The following PIM1 variants were observed in gnomAD, a reference collection of about 807,000 sequenced individuals.
PIM1 encodes the protein Pim-1 proto-oncogene, serine/threonine kinase, also known as serine/threonine-protein kinase pim-1.
PIM1 carries 9 observed loss-of-function variants against 34.5 expected under a neutral mutation model. The observed-to-expected ratio is 0.26, with a 90% CI of 0.16 to 0.46. The LOEUF is 0.46. Among genes scored for constraint, PIM1 ranks in the 20% least tolerant of loss-of-function variants. The probability of loss-of-function intolerance (pLI) is 1.00; values close to 1 mark genes in which losing one functional copy is unlikely to be tolerated. For synonymous variants in PIM1, 199 were observed against 175.2 expected (o/e 1.14, Z -1.07); for missense variants, 274 against 410.9 (o/e 0.67, Z 2.88).
At chr6:37,172,967 GT>G (rs1461062485) in intron 4 of PIM1, 28 bp from the exon 5 acceptor site, 1 of 1,605,688 alleles carries the variant, frequency 6.2e-7, no homozygotes. Context: ...CTAAAAGTGT[GT>G]TTTCTCTTCT....
At chr6:37,171,592 A>T (rs1329447505) in intron 4 of PIM1, 101 bp downstream of exon 4, 1 of 1,414,324 alleles carries the variant, frequency 7.1e-7, no homozygotes, top group African/African-American at 1.4e-5. Flanking sequence ...TGTAAAGGTC[A>T]TTGGGCCGCC....
rs776867207 is a variant in PIM1 at position 37,170,917 on chromosome 6, C to CG, written c.189+44dup. 3.1e-6 allele frequency: 5 copies of CG among 1,611,944 alleles called. No homozygotes were observed. In the African/African-American group the frequency reaches 4.0e-5, roughly 13 times the overall value. On this transcript the variant is annotated intron_variant, in intron 2 of 5. Coordinates refer to ENST00000373509, the MANE Select transcript of PIM1 (RefSeq NM_002648.4). The stretch of plus-strand genomic sequence containing the variant: ...CCCGCGGTGGGGAGGGCGCGCCGGG[C>CG]GGGGGGCGCACGGGCGTGCTTTAGC...
At position 37,171,151 on chromosome 6, in the gene PIM1, A is replaced by G; in HGVS notation, c.267A>G (p.Glu89=). 2 of 1,613,902 alleles carry G rather than the reference A, an allele frequency of 1.2e-6. No individual in the cohort carries two copies. Among genetic ancestry groups the G allele is most frequent in the Non-Finnish European group, 1.7e-6 (2 of 1,179,908 alleles). Residue 89 remains glutamate (E), a synonymous_variant, in exon 4 of 6, where the codon GAA becomes GAG. Coordinates refer to ENST00000373509, the MANE Select transcript of PIM1 (RefSeq NM_002648.4). ...CTAATGGCACTCGAGTGCCCATGGA[A>G]GTGGTCCTGCTGAAGAAGGTGAGCT... ...ELPNGTRVPM[E]VVLLKKVSSG...
chr6:37,173,925 T>A lies in PIM1; in HGVS notation c.785-9T>A, dbSNP rs771718564. On this transcript the variant is annotated splice_polypyrimidine_tract_variant and intron_variant, in intron 5 of 5. Transcript: ENST00000373509. ...TCATTCATAACCTCGTCTATCCTCC[T>A]TTCTGCAGAATGTCAGCATCTCATT... 1.1e-5 allele frequency: 17 copies of A among 1,609,118 alleles called. No individual in the cohort carries two copies. Among genetic ancestry groups the A allele is most frequent in the Non-Finnish European group, 1.4e-5 (17 of 1,177,550 alleles).
At chr6:37,173,881 AGT>A in intron 5 of PIM1, 51 bp from the exon 6 acceptor site, 1 of 1,538,154 alleles carries the variant, frequency 6.5e-7, no homozygotes, top group South Asian at 1.2e-5. Context: ...AGACCTTTGC[AGT>A]GTAAAAACAA....
rs2113769079 is a variant in PIM1, at chr6:37,170,565, T to C, written c.-11T>C. ...GGGCACCGTCCCTGCGCCGACATCC[T>C]GGAGGTTGGGATGCTCTTGTCCAAA... On this transcript the variant is annotated 5_prime_UTR_variant, in exon 1 of 6. Transcript: ENST00000373509. The C allele has an allele frequency of 6.2e-7, 1 of 1,612,830 alleles. No individual in the cohort carries two copies. The highest frequency in any genetic ancestry group is 2.2e-5 in the East Asian group (1 of 44,808).
rs544434959 is a variant in PIM1 at position 37,175,021 on chromosome 6, T to G, written c.*930T>G. 4.3e-6 allele frequency: 1 copy of G among 233,582 alleles called. No homozygotes were observed. Among genetic ancestry groups the G allele is most frequent in the African/African-American group, 2.2e-5 (1 of 45,460 alleles). The allele number at this position is 233,582 out of a possible 1,614,324, so 14.5% of individuals were successfully genotyped here. ...TATTTATTTATTTATTTGGTTCCCTTCCTATTCCAAGCTTCCATAGCTGCT... is the reference window on the plus strand; with the variant it reads ...TATTTATTTATTTATTTGGTTCCCTGCCTATTCCAAGCTTCCATAGCTGCT... On this transcript the variant is annotated 3_prime_UTR_variant, in exon 6 of 6. Transcript: ENST00000373509.
Position 37,171,043 on chromosome 6 carries a change from G to T in PIM1, c.240+12G>T. On this transcript the variant is annotated intron_variant, in intron 3 of 5. Coordinates refer to ENST00000373509, the MANE Select transcript of PIM1 (RefSeq NM_002648.4). The stretch of plus-strand genomic sequence containing the variant: ...ACTGGGGAGAGCTGGTGAGTGCCCT[G>T]CAGGAGCGACCCCCAGGATGAGTGG... 1 of 1,614,050 alleles carries T rather than the reference G, an allele frequency of 6.2e-7. No homozygotes were observed. The highest frequency in any genetic ancestry group is 8.5e-7 in the Non-Finnish European group (1 of 1,180,000).
chr6:37,173,796 C>T (rs1330263306), intron 5 of PIM1, 138 bp from the exon 6 acceptor site: 6 of 670,484 alleles, frequency 8.9e-6, no homozygotes, highest in Non-Finnish European at 1.0e-5. Flanking sequence ...TGAAGGGTAC[C>T]CAGCACAGTG....
At position 37,170,325 on chromosome 6, in the gene PIM1, C is replaced by T; in HGVS notation, c.-251C>T. ...GCGCTGCCGCACGAGCCCCACGAGC[C>T]GCTCACCCCGCCGTTCTCAGCGCTG... On this transcript the variant is annotated 5_prime_UTR_variant, in exon 1 of 6. Transcript: ENST00000373509. The T allele has an allele frequency of 1.4e-6, 2 of 1,481,442 alleles. No individual in the cohort carries two copies. Among genetic ancestry groups the T allele is most frequent in the Non-Finnish European group, 1.8e-6 (2 of 1,120,520 alleles). 91.8% of individuals were successfully genotyped at this position (1,481,442 alleles called of 1,614,324 possible). A position where few individuals can be genotyped will look rare whatever the true frequency, so the allele number is the denominator to read the frequency against.
rs1448330731 is a variant in PIM1 at position 37,173,743 on chromosome 6, A to G, written c.785-191A>G. Among the ~76,000 whole-genome samples, 11 of 152,204 alleles carry G rather than the reference A, an allele frequency of 7.2e-5. 1 individual carries two copies. ...TAAGAGGGGAGTCAGTTTTTAGCTG[A>G]AAGCAGACTGGAGGACCCAGATATT... On this transcript the variant is annotated intron_variant, in intron 5 of 5. Coordinates refer to ENST00000373509, the MANE Select transcript of PIM1 (RefSeq NM_002648.4).
rs779716961 is a variant in PIM1, at chr6:37,170,436, GCCGCAGCCACAGCCGCAACGCCAC to G, written c.-125_-102del. 3.2e-5 allele frequency: 49 copies of G among 1,538,864 alleles called. No individual in the cohort carries two copies. The highest frequency in any genetic ancestry group is 1.7e-4 in the Middle Eastern group (1 of 5,854). On this transcript the variant is annotated 5_prime_UTR_variant, in exon 1 of 6. Coordinates refer to ENST00000373509, the MANE Select transcript of PIM1 (RefSeq NM_002648.4). ...GACTCGCCCTCGGCCTTCCGCGCCAGCCGCAGCCACAGCCGCAACGCCACCCGCAGCCACAGCCACAGCCACAGC... is the reference window on the plus strand; with the variant it reads ...GACTCGCCCTCGGCCTTCCGCGCCAGCCGCAGCCACAGCCACAGCCACAGC...
chr6:37,170,463 G>GCAGCCACAGCCA lies in PIM1; in HGVS notation c.-101_-90dup, dbSNP rs146002992. On this transcript the variant is annotated 5_prime_UTR_variant, in exon 1 of 6. Coordinates refer to ENST00000373509, the MANE Select transcript of PIM1 (RefSeq NM_002648.4). ...CGCAGCCACAGCCGCAACGCCACCC[G>GCAGCCACAGCCA]CAGCCACAGCCACAGCCACAGCCCC... 3 of 1,557,824 alleles carry GCAGCCACAGCCA rather than the reference G, an allele frequency of 1.9e-6. No individual in the cohort carries two copies. Among genetic ancestry groups the GCAGCCACAGCCA allele is most frequent in the African/African-American group, 1.4e-5 (1 of 73,160 alleles).
At chr6:37,173,316 A>G in intron 5 of PIM1, 144 bp downstream of exon 5, 1 of 722,618 alleles carries the variant, frequency 1.4e-6, no homozygotes, top group Non-Finnish European at 2.2e-6. Flanking sequence ...TGAGTGATTT[A>G]CACTTGAGCT....
chr6:37,172,798 G>T (rs779175784), intron 4 of PIM1, 198 bp from the exon 5 acceptor site: 2 of 688,848 alleles, frequency 2.9e-6, no homozygotes, highest in South Asian at 3.0e-5. Context: ...CAGAGAGGTG[G>T]GTAATGCTTT....
At chr6:37,172,348 GCC>G (rs1684386159) in intron 4 of PIM1, 1 of 315,914 alleles carries the variant, frequency 3.2e-6, no homozygotes, top group Non-Finnish European at 6.3e-6. Flanking sequence ...AGTCTTTGCT[GCC>G]CCCTGGTGAG....
Position 37,170,990 on chromosome 6 carries a change from A to G in PIM1, c.199A>G (p.Lys67Glu). ...GACCCTGGGCTTCCAGGTGGCCATC[A>G]AACACGTGGAGAAGGACCGGATTTC... ...RVSDNLPVAI[K>E]HVEKDRISDW... The change falls in exon 3 of 6, where the codon AAA (lysine) becomes GAA (glutamate). Residue 67 changes from lysine (K) to glutamate (E), a missense_variant. Transcript: ENST00000373509. 6.2e-7 allele frequency: 1 copy of G among 1,614,022 alleles called. No individual in the cohort carries two copies. The highest frequency in any genetic ancestry group is 8.5e-7 in the Non-Finnish European group (1 of 1,179,984).
At chr6:37,173,783 T>C in intron 5 of PIM1, 151 bp from the exon 6 acceptor site, 1 of 580,374 alleles carries the variant, frequency 1.7e-6, no homozygotes, top group Non-Finnish European at 3.0e-6. Context: ...AATACCTTCC[T>C]ATTGAAGGGT....
rs772864940 is a variant in PIM1 at position 37,170,666 on chromosome 6, AC to A, written c.82+15del. ...CACCAAGCTGGCGCCCGGTGAGAGC[AC>A]CCCCCGCCTCCGGCCCGGGGATGCG... On this transcript the variant is annotated intron_variant, in intron 1 of 5. Transcript: ENST00000373509. The A allele has an allele frequency of 6.8e-6, 11 of 1,608,182 alleles. No individual in the cohort carries two copies. The highest frequency in any genetic ancestry group is 4.5e-5 in the East Asian group (2 of 44,618).
Sources: gnomAD v4.1 joint callset for allele counts (sites outside exome capture counted in the v4.1 genomes callset) on GRCh38, gnomAD v4.1.1 for gene constraint, MANE v1.5 for transcripts, NCBI Gene and HGNC (gene_info 2026-07-23, HGNC 2026-07-21) for gene names.